The following MXI1 variants were observed in gnomAD, a reference collection of about 807,000 sequenced individuals.
MXI1 encodes the protein max-interacting protein 1.
Under a neutral mutation model 36.9 loss-of-function variants are expected in MXI1, and 18 were observed. The ratio of observed to expected loss-of-function variants is 0.49; its 90% CI spans 0.34 to 0.72. The LOEUF is 0.72. Ranked by LOEUF, MXI1 falls within the 30% of genes least tolerant of loss-of-function variation. MXI1 has a pLI of 0.01. For synonymous variants in MXI1, 160 were observed against 146.7 expected, an observed-to-expected ratio of 1.09 and a Z score of -0.65; for missense variants, 304 against 379.1, an observed-to-expected ratio of 0.80 and a Z score of 1.64.
intron 3 of MXI1, among the ~76,000 whole-genome samples, chr10:110,278,404 G>C (rs542952434): frequency 2.0e-5 from 3 of 152,124 alleles, no homozygotes; most frequent in African/African-American, 7.2e-5. Context: ...TGAGAGAGAC[G>C]AGAGAGGAAG....
intron 1 of MXI1, among the ~76,000 whole-genome samples, chr10:110,210,578 C>T (rs1323099464): frequency 1.7e-4 from 26 of 152,172 alleles, no homozygotes; most frequent in Admixed American, 1.7e-3. Context: ...CGACCATCCG[C>T]CAGGCCCTCT....
chr10:110,269,315 T>G (rs979710404), intron 3 of MXI1, among the ~76,000 whole-genome samples: 3 of 152,228 alleles, frequency 2.0e-5, no homozygotes, highest in Non-Finnish European at 4.4e-5. Flanking sequence ...ATATGAATAT[T>G]CCCCTTAAAA....
chr10:110,237,759 A>G (rs1590355838), intron 2 of MXI1, among the ~76,000 whole-genome samples: 1 of 152,188 alleles, frequency 6.6e-6, no homozygotes, highest in Non-Finnish European at 1.5e-5. Context: ...GGAACTACTT[A>G]TAACTCAGGA....
intron 5 of MXI1, among the ~76,000 whole-genome samples, 197 bp from the exon 6 acceptor site, chr10:110,284,627 C>A (rs1412491105): frequency 6.6e-6 from 1 of 152,182 alleles, no homozygotes; most frequent in Non-Finnish European, 1.5e-5. Context: ...TAAATTAAGA[C>A]CACCACTGTA....
At chr10:110,245,327 A>G (rs1332814035) in intron 3 of MXI1, among the ~76,000 whole-genome samples, 2 of 152,174 alleles carry the variant, frequency 1.3e-5, no homozygotes, top group Admixed American at 1.3e-4. Flanking sequence ...AATGCTTTAT[A>G]TAGGAAATAC....
At chr10:110,244,749 C>A in intron 2 of MXI1, 79 bp from the exon 3 acceptor site, 2 of 1,184,876 alleles carry the variant, frequency 1.7e-6, no homozygotes, top group Non-Finnish European at 2.4e-6. Context: ...CTAGGTGTAG[C>A]ATAGCAGTAA....
chr10:110,266,456 A>G (rs1856681046), intron 3 of MXI1, among the ~76,000 whole-genome samples: 1 of 152,140 alleles, frequency 6.6e-6, no homozygotes. Context: ...AGGAGTGTCT[A>G]CAATGGTTCT....
intron 1 of MXI1, chr10:110,226,058 G>C: frequency 5.0e-6 from 5 of 1,000,956 alleles, no homozygotes; most frequent in Middle Eastern, 9.8e-4. Flanking sequence ...TGGGGCGGCA[G>C]GGGCGGCGGA....
chr10:110,254,560 T>C (rs146812757), intron 3 of MXI1, among the ~76,000 whole-genome samples: 2 of 152,256 alleles, frequency 1.3e-5, no homozygotes, highest in East Asian at 3.9e-4. Flanking sequence ...AAAACCAGGA[T>C]AGACTGAAAG....
At chr10:110,260,094 T>C (rs1856455845) in intron 3 of MXI1, among the ~76,000 whole-genome samples, 1 of 151,992 alleles carries the variant, frequency 6.6e-6, no homozygotes, top group African/African-American at 2.4e-5. Flanking sequence ...AGCCAAATTG[T>C]CAAAAATGAT....
intron 1 of MXI1, chr10:110,227,622 C>A (rs1447163538): frequency 3.5e-6 from 3 of 868,562 alleles, no homozygotes; most frequent in African/African-American, 2.2e-5. Context: ...GAACACTGAG[C>A]GGGGGAAAAC....
At chr10:110,211,165 C>T (rs900673654) in intron 1 of MXI1, among the ~76,000 whole-genome samples, 2 of 151,600 alleles carry the variant, frequency 1.3e-5, no homozygotes, top group Admixed American at 6.6e-5. Flanking sequence ...AGCGAGTTCC[C>T]CTATAATCAC....
At chr10:110,261,047 A>G (rs1045358508) in intron 3 of MXI1, 1 of 984,888 alleles carries the variant, frequency 1.0e-6, no homozygotes, top group Non-Finnish European at 1.2e-6. Context: ...GCCATATACC[A>G]GGAGGAAAGA....
At chr10:110,268,962 C>T (rs1856771422) in intron 3 of MXI1, among the ~76,000 whole-genome samples, 1 of 152,198 alleles carries the variant, frequency 6.6e-6, no homozygotes, top group South Asian at 2.1e-4. Context: ...AACACATACA[C>T]ACATACACAC....
At chr10:110,260,834 A>G (rs909327289) in intron 3 of MXI1, among the ~76,000 whole-genome samples, 1 of 152,102 alleles carries the variant, frequency 6.6e-6, no homozygotes, top group African/African-American at 2.4e-5. Context: ...CCTTTTGGAA[A>G]ACTACTTACC....
chr10:110,263,058 TTGTATC>T (rs1482834595), intron 3 of MXI1, among the ~76,000 whole-genome samples: 4 of 152,182 alleles, frequency 2.6e-5, no homozygotes, highest in African/African-American at 9.6e-5. Context: ...TTGCTTGTCT[TTGTATC>T]TGACACGGTG....
chr10:110,211,073 CT>C (rs33972208), intron 1 of MXI1, among the ~76,000 whole-genome samples: 3,522 of 131,282 alleles, frequency 0.027, 74 homozygotes, highest in African/African-American at 0.065. Context: ...TTGTGTACGT[CT>C]TTTTTTTTTT....
At position 110,228,229 on chromosome 10, in the gene MXI1, G is replaced by A. The variant is rs1167663686; in HGVS notation, c.315G>A (p.Pro105=). The part of the protein sequence containing the change: ...HGYASSFPSM[P]SPRLQHSKPP... The stretch of plus-strand genomic sequence containing the variant: ...ACGCCTCTTCATTCCCGTCCATGCC[G>A]AGCCCCCGACTGCAGCATTCAAAGC... The change falls in exon 2 of 6, where the codon CCG becomes CCA. Residue 105 remains proline (P), a synonymous_variant. Coordinates refer to ENST00000332674, the MANE Select transcript of MXI1 (RefSeq NM_130439.3). 18 of 1,613,534 alleles carry A rather than the reference G, an allele frequency of 1.1e-5. No individual in the cohort carries two copies. Among genetic ancestry groups the A allele is most frequent in the Non-Finnish European group, 1.4e-5 (16 of 1,179,914 alleles).
chr10:110,248,354 T>C (rs1249517676), intron 3 of MXI1, among the ~76,000 whole-genome samples: 2 of 151,968 alleles, frequency 1.3e-5, no homozygotes, highest in Non-Finnish European at 2.9e-5. Context: ...AAAAAAAAAA[T>C]CTTTGATTCA....
Sources: gnomAD v4.1 joint callset for allele counts (sites outside exome capture counted in the v4.1 genomes callset) on GRCh38, gnomAD v4.1.1 for gene constraint, MANE v1.5 for transcripts, NCBI Gene and HGNC (gene_info 2026-07-23, HGNC 2026-07-21) for gene names.